The following TIMMDC1 variants were observed in gnomAD, a reference collection of about 807,000 sequenced individuals.
TIMMDC1 encodes the protein complex I assembly factor TIMMDC1, mitochondrial.
In TIMMDC1, 25 loss-of-function variants were observed where a neutral mutation model predicts 32.6. That is an observed-to-expected ratio of 0.77 (90% CI 0.56 to 1.07). The LOEUF is 1.07. Ranked by LOEUF, TIMMDC1 falls within the 50% of genes least tolerant of loss-of-function variation. The pLI is 0.00. For missense variants in TIMMDC1, 329 were observed against 349.2 expected (o/e 0.94, Z 0.46); for synonymous variants, 130 against 127.6 (o/e 1.02, Z -0.13).
At chr3:119,519,720 A>C (rs1031277254) in intron 6 of TIMMDC1, among the ~76,000 whole-genome samples, 1 of 152,230 alleles carries the variant, frequency 6.6e-6, no homozygotes, top group Non-Finnish European at 1.5e-5. Flanking sequence ...ACAGAAAATC[A>C]ACAAAGAAAT....
intron 6 of TIMMDC1, among the ~76,000 whole-genome samples, chr3:119,523,204 G>T (rs2082040836): frequency 1.3e-5 from 2 of 152,150 alleles, no homozygotes; most frequent in Admixed American, 1.3e-4. Flanking sequence ...GTTCCTAAAA[G>T]GTCTGGTCAC....
At chr3:119,500,073 T>C (rs2081859038) in intron 1 of TIMMDC1, among the ~76,000 whole-genome samples, 1 of 152,244 alleles carries the variant, frequency 6.6e-6, no homozygotes, top group African/African-American at 2.4e-5. Flanking sequence ...CCCAGCCCAG[T>C]GCTTTTATTA....
intron 4 of TIMMDC1, among the ~76,000 whole-genome samples, chr3:119,509,936 G>A (rs1451759720): frequency 1.3e-5 from 2 of 151,988 alleles, no homozygotes; most frequent in South Asian, 2.1e-4. Context: ...CGCCCGCCTC[G>A]GCCTCCCAAA....
At chr3:119,522,508 A>G (rs2082033636) in intron 6 of TIMMDC1, among the ~76,000 whole-genome samples, 2 of 152,178 alleles carry the variant, frequency 1.3e-5, no homozygotes, top group Admixed American at 1.3e-4. Context: ...GCACTGTAGG[A>G]TGACTATAGT....
intron 2 of TIMMDC1, 65 bp from the exon 3 acceptor site, chr3:119,503,466 CG>C: frequency 8.0e-7 from 1 of 1,257,410 alleles, no homozygotes; most frequent in Non-Finnish European, 1.1e-6. Flanking sequence ...ATTCCTCTAC[CG>C]CAGTTCTAGA....
At chr3:119,508,019 T>C (rs1233233911) in intron 4 of TIMMDC1, among the ~76,000 whole-genome samples, 1 of 152,224 alleles carries the variant, frequency 6.6e-6, no homozygotes, top group Non-Finnish European at 1.5e-5. Flanking sequence ...GGTTAATCTC[T>C]GACAAAACCC....
intron 4 of TIMMDC1, among the ~76,000 whole-genome samples, chr3:119,510,979 A>G (rs1281867710): frequency 6.6e-6 from 1 of 152,174 alleles, no homozygotes; most frequent in African/African-American, 2.4e-5. Context: ...CTTAACTACT[A>G]ATGGCCTGCT....
In TIMMDC1 at chr3:119,523,880, C is replaced by A; in HGVS notation, c.*124C>A. On this transcript the variant is annotated 3_prime_UTR_variant, in exon 7 of 7. Coordinates refer to ENST00000494664, the MANE Select transcript of TIMMDC1 (RefSeq NM_016589.4). Reference sequence around the variant, plus strand: ...ATTTAAGTGCTGGTACCTGTGGTGGCAGTGGCTTGCTCTTGTCTTTTTCTT... The same window carrying A: ...ATTTAAGTGCTGGTACCTGTGGTGGAAGTGGCTTGCTCTTGTCTTTTTCTT... 1.1e-6 allele frequency: 1 copy of A among 933,224 alleles called. No homozygotes were observed. The highest frequency in any genetic ancestry group is 2.6e-5 in the East Asian group (1 of 38,814). The allele number at this position is 933,224 out of a possible 1,614,324, so 57.8% of individuals were successfully genotyped here.
rs2081868396 is a variant in TIMMDC1 at position 119,500,771 on chromosome 3, T to C, written c.271T>C (p.Tyr91His). The C allele has an allele frequency of 6.2e-7, 1 of 1,614,180 alleles. No homozygotes were observed. Among genetic ancestry groups the C allele is most frequent in the Non-Finnish European group, 8.5e-7 (1 of 1,180,002 alleles). Residue 91 changes from tyrosine to histidine, a missense_variant, in exon 2 of 7, where the codon TAT becomes CAT. Transcript: ENST00000494664. ...TACAGCAGGCATCATTGGCTGGGTG[T>C]ATGGGGGAATACCAGCTTTTATTCA... ...AATAGIIGWV[Y>H]GGIPAFIHAK... is the part of the protein sequence containing the mutation.
chr3:119,503,120 A>G (rs2107727157), intron 2 of TIMMDC1, among the ~76,000 whole-genome samples: 1 of 152,322 alleles, frequency 6.6e-6, no homozygotes, highest in African/African-American at 2.4e-5. Context: ...TGAAATCCTG[A>G]ATGCTCAGAT....
chr3:119,518,801 G>GT (rs2082003753), intron 6 of TIMMDC1, among the ~76,000 whole-genome samples: 1 of 152,098 alleles, frequency 6.6e-6, no homozygotes, highest in African/African-American at 2.4e-5. Context: ...CCCCCCATCA[G>GT]TTTAACAGCA....
intron 2 of TIMMDC1, among the ~76,000 whole-genome samples, chr3:119,502,733 AT>A (rs894240713): frequency 6.9e-6 from 1 of 145,252 alleles, no homozygotes; most frequent in Non-Finnish European, 1.5e-5. Context: ...TAATTCTTAA[AT>A]TTTTTTTGTA....
rs778887448 is a variant in TIMMDC1 at position 119,500,835 on chromosome 3, T to C, written c.335T>C (p.Ile112Thr). Residue 112 changes from isoleucine (I) to threonine (T), a missense_variant, in exon 2 of 7, where the codon ATT becomes ACT. By Grantham distance (89) the Ile-to-Thr change is moderately conservative. Transcript: ENST00000494664. ...TACATTGAGCAGAGCCAGGCAGAAA[T>C]TTATCATAACCGGTTTGATGCTGTG... ...QQYIEQSQAE[I>T]YHNRFDAVQS... 5.0e-6 allele frequency: 8 copies of C among 1,613,908 alleles called. No homozygotes were observed. The South Asian group carries it at 6.6e-5, about 13-fold the overall frequency.
At chr3:119,509,827 A>G (rs531627899) in intron 4 of TIMMDC1, among the ~76,000 whole-genome samples, 1 of 152,134 alleles carries the variant, frequency 6.6e-6, no homozygotes, top group South Asian at 2.1e-4. Flanking sequence ...CTGGGACTAC[A>G]GGCATATGCC....
At chr3:119,512,885 C>T (rs886780746) in intron 4 of TIMMDC1, among the ~76,000 whole-genome samples, 28 of 152,090 alleles carry the variant, frequency 1.8e-4, no homozygotes, top group Non-Finnish European at 3.8e-4. Context: ...GGATTACAGG[C>T]GTGCACCACA....
At chr3:119,515,079 A>G (rs1301182490) in intron 5 of TIMMDC1, among the ~76,000 whole-genome samples, 1 of 151,850 alleles carries the variant, frequency 6.6e-6, no homozygotes, top group Non-Finnish European at 1.5e-5. Context: ...AATCACAGAT[A>G]CTCGGGAGGC....
At position 119,500,054 on chromosome 3, in the gene TIMMDC1, G is replaced by A. The variant is rs578234909; in HGVS notation, c.195-641G>A. On this transcript the variant is annotated intron_variant, in intron 1 of 6. Coordinates refer to ENST00000494664, the MANE Select transcript of TIMMDC1 (RefSeq NM_016589.4). ...AAGTTAGCTGTGACTACAGGCGTGT[G>A]CTACTGTGCCCAGCCCAGTGCTTTT... Among the ~76,000 whole-genome samples, 253 of 152,308 alleles carry A rather than the reference G, an allele frequency of 1.7e-3. 2 individuals carry two copies. Among genetic ancestry groups the A allele is most frequent in the Non-Finnish European group, 2.7e-3 (185 of 68,026 alleles).
intron 4 of TIMMDC1, among the ~76,000 whole-genome samples, chr3:119,506,357 T>A (rs780632458): frequency 2.0e-5 from 3 of 152,058 alleles, no homozygotes; most frequent in Non-Finnish European, 4.4e-5. Context: ...CAAGACCGTG[T>A]GTGTGCAAAA....
chr3:119,499,237 G>C (rs2081849725), intron 1 of TIMMDC1, among the ~76,000 whole-genome samples: 1 of 148,334 alleles, frequency 6.7e-6, no homozygotes, highest in Non-Finnish European at 1.5e-5. Context: ...GGGACTACAG[G>C]CGCGCACCAC....
Sources: allele counts gnomAD v4.1 joint callset (sites outside exome capture counted in the v4.1 genomes callset), GRCh38; gene constraint gnomAD v4.1.1; transcripts MANE v1.5; gene names NCBI Gene and HGNC (gene_info 2026-07-23, HGNC 2026-07-21).